The following AHCYL2 variants were observed in gnomAD, a reference collection of about 807,000 sequenced individuals.
The protein encoded by AHCYL2 is adenosylhomocysteinase like 2, also known as S-adenosylhomocysteine hydrolase-like protein 2.
AHCYL2 carries 28 observed loss-of-function variants against 81.4 expected under a neutral mutation model. That is an observed-to-expected ratio of 0.34 (90% confidence interval 0.25 to 0.47). The LOEUF (loss-of-function observed/expected upper bound fraction) is 0.47. AHCYL2 is among the 20% of genes least tolerant of loss of function. The probability of loss-of-function intolerance (pLI) is 1.00; values close to 1 mark genes in which losing one functional copy is unlikely to be tolerated. For missense variants in AHCYL2, 551 were observed against 785.1 expected (o/e 0.70, Z 3.56); for synonymous variants, 272 against 290.2 (o/e 0.94, Z 0.64).
At chr7:129,380,994 A>C (rs1327484337) in intron 2 of AHCYL2, among the ~76,000 whole-genome samples, 1 of 152,174 alleles carries the variant, frequency 6.6e-6, no homozygotes, top group Non-Finnish European at 1.5e-5. Flanking sequence ...TCCTCAGCCT[A>C]CCAAAGTTCT....
At position 129,427,632 on chromosome 7, in the gene AHCYL2, A is replaced by C. The variant is rs983148639; in HGVS notation, c.*587A>C. 1 of 152,668 alleles carries C rather than the reference A, an allele frequency of 6.6e-6. No homozygotes were observed. Among genetic ancestry groups the C allele is most frequent in the African/African-American group, 2.4e-5 (1 of 41,436 alleles). The allele number at this position is 152,668 out of a possible 1,614,324, so 9.5% of individuals were successfully genotyped here. A position where few individuals can be genotyped will look rare whatever the true frequency, so the allele number is the denominator to read the frequency against. Reference sequence around the variant, plus strand: ...AGAACTCAGCTGTGCTGTGCCTACCAGGGGTCTCCTTTCTTACCCAGGACT... The same window carrying C: ...AGAACTCAGCTGTGCTGTGCCTACCCGGGGTCTCCTTTCTTACCCAGGACT... On this transcript the variant is annotated 3_prime_UTR_variant, in exon 17 of 17. Coordinates refer to ENST00000325006, the MANE Select transcript of AHCYL2 (RefSeq NM_015328.4). The surrounding 1 kb of genome is among the most constrained non-coding windows in gnomAD (Gnocchi z 5.5).
At chr7:129,242,870 T>C (rs1794913640) in intron 1 of AHCYL2, among the ~76,000 whole-genome samples, 1 of 152,184 alleles carries the variant, frequency 6.6e-6, no homozygotes, top group South Asian at 2.1e-4. Flanking sequence ...AGGTAGTATC[T>C]CTGTTGTTTT....
chr7:129,237,127 G>GT (rs1185974682), intron 1 of AHCYL2, among the ~76,000 whole-genome samples: 1 of 151,824 alleles, frequency 6.6e-6, no homozygotes, highest in African/African-American at 2.4e-5. Flanking sequence ...GGATTTACCA[G>GT]TTTTTTTCCT....
intron 2 of AHCYL2, among the ~76,000 whole-genome samples, chr7:129,383,149 G>T (rs2150892866): frequency 6.6e-6 from 1 of 151,190 alleles, no homozygotes; most frequent in African/African-American, 2.4e-5. Context: ...ATGTTTTATA[G>T]ATATCTCTTT....
chr7:129,401,689 T>G (rs1236539708), intron 6 of AHCYL2, among the ~76,000 whole-genome samples: 1 of 151,844 alleles, frequency 6.6e-6, no homozygotes, highest in Admixed American at 6.6e-5. Flanking sequence ...CACAAGGGAG[T>G]GTGACTGACA....
At chr7:129,394,003 T>C (rs1795592322) in intron 4 of AHCYL2, among the ~76,000 whole-genome samples, 1 of 152,134 alleles carries the variant, frequency 6.6e-6, no homozygotes, top group Non-Finnish European at 1.5e-5. Context: ...ATTTCTTTTT[T>C]TGTTGTTGTT....
Position 129,368,468 on chromosome 7 carries a change from A to G in AHCYL2, c.364-11170A>G. 1.9e-6 allele frequency: 3 copies of G among 1,613,914 alleles called. No homozygotes were observed. Among genetic ancestry groups the G allele is most frequent in the Non-Finnish European group, 2.5e-6 (3 of 1,179,834 alleles). On this transcript the variant is annotated intron_variant, in intron 1 of 16. Transcript: ENST00000325006. This position sits in a 1 kb window ranked among gnomAD's most constrained non-coding sequence, Gnocchi z 4.4. ...CCAAACCAGCTTTCCCTTTTGCTTC[A>G]GGACATATCTTACCCAAGCCTGCAC...
Position 129,426,383 on chromosome 7 carries a change from C to T in AHCYL2, c.1709-60C>T. The T allele has an allele frequency of 6.2e-7, 1 of 1,613,298 alleles. No individual in the cohort carries two copies. The highest frequency in any genetic ancestry group is 8.5e-7 in the Non-Finnish European group (1 of 1,179,338). ...AACTTTTTAAGGCCTAGCTTGGGGA[C>T]AATAGCCATCAGATAAAAGGCATGA... On this transcript the variant is annotated intron_variant, in intron 15 of 16. Coordinates refer to ENST00000325006, the MANE Select transcript of AHCYL2 (RefSeq NM_015328.4). The surrounding 1 kb of genome is among the most constrained non-coding windows in gnomAD (Gnocchi z 4.3).
At chr7:129,264,279 C>T (rs1472677138) in intron 1 of AHCYL2, among the ~76,000 whole-genome samples, 1 of 152,198 alleles carries the variant, frequency 6.6e-6, no homozygotes, top group Non-Finnish European at 1.5e-5. Context: ...CCTCAGCCTC[C>T]CAAAGTGCGG....
chr7:129,355,941 A>G (rs1038490958), intron 1 of AHCYL2, among the ~76,000 whole-genome samples: 3 of 152,208 alleles, frequency 2.0e-5, no homozygotes, highest in Admixed American at 6.5e-5. Context: ...GAAAAGTACC[A>G]GGTAGAGAGA....
intron 12 of AHCYL2, among the ~76,000 whole-genome samples, chr7:129,414,960 T>G (rs1796773503): frequency 6.6e-6 from 1 of 152,198 alleles, no homozygotes; most frequent in South Asian, 2.1e-4. Flanking sequence ...TGGTTTCCCT[T>G]TTAAATTCTG....
rs1210798344 is a variant in AHCYL2 at position 129,428,067 on chromosome 7, G to GTA, written c.*1026_*1027dup. The GTA allele has an allele frequency of 6.6e-6, 1 of 152,216 alleles. No individual in the cohort carries two copies. Among genetic ancestry groups the GTA allele is most frequent in the Admixed American group, 6.5e-5 (1 of 15,274 alleles). The allele number at this position is 152,216 out of a possible 1,614,324, so 9.4% of individuals were successfully genotyped here. On this transcript the variant is annotated 3_prime_UTR_variant, in exon 17 of 17. Coordinates refer to ENST00000325006, the MANE Select transcript of AHCYL2 (RefSeq NM_015328.4). ...CAGCTTGATACCCTAACAAAGCAGA[G>GTA]TATATTTATTTGTTTCCCAGGAAGG...
rs77191977 is a variant in AHCYL2 at position 129,226,458 on chromosome 7, G to T, written c.363+1019G>T. Among the ~76,000 whole-genome samples, 529 of 152,286 alleles carry T rather than the reference G, an allele frequency of 3.5e-3. 4 individuals carry two copies. Among genetic ancestry groups the T allele is most frequent in the South Asian group, 0.013 (64 of 4,820 alleles). On this transcript the variant is annotated intron_variant, in intron 1 of 16. Transcript: ENST00000325006. ...AAAAAGGGCTTACAGCTTCAATTTC[G>T]TAGACACAGTATGGGCACAGGGATT...
At chr7:129,307,271 T>C (rs1797475968) in intron 1 of AHCYL2, among the ~76,000 whole-genome samples, 1 of 152,122 alleles carries the variant, frequency 6.6e-6, no homozygotes, top group South Asian at 2.1e-4. Flanking sequence ...TAGAAAGAAA[T>C]CTACTTGGTG....
At chr7:129,246,217 C>G (rs1171211730) in intron 1 of AHCYL2, among the ~76,000 whole-genome samples, 2 of 152,156 alleles carry the variant, frequency 1.3e-5, no homozygotes, top group African/African-American at 2.4e-5. Context: ...TGCCACCACG[C>G]CCATCTAATT....
chr7:129,282,951 G>A (rs1241565536), intron 1 of AHCYL2, among the ~76,000 whole-genome samples: 1 of 152,086 alleles, frequency 6.6e-6, no homozygotes, highest in Non-Finnish European at 1.5e-5. Flanking sequence ...ACTCTACCTC[G>A]TGCCTTGTTA....
rs527404470 is a variant in AHCYL2 at position 129,366,669 on chromosome 7, G to A, written c.364-12969G>A. On this transcript the variant is annotated intron_variant, in intron 1 of 16. Transcript: ENST00000325006. ...TGCATGCCTGTAATCCCAGCTACTC[G>A]GGAGGCTGAGGCAGGAGAATTGCTT... Among the ~76,000 whole-genome samples, 8 of 152,072 alleles carry A rather than the reference G, an allele frequency of 5.3e-5. No individual in the cohort carries two copies. In the South Asian group the frequency reaches 1.5e-3, roughly 28 times the overall value.
chr7:129,411,409 G>A (rs1796568120), intron 11 of AHCYL2, among the ~76,000 whole-genome samples: 1 of 151,930 alleles, frequency 6.6e-6, no homozygotes, highest in South Asian at 2.1e-4. Context: ...TCATATAAAT[G>A]GAATCATAGC....
At chr7:129,252,805 A>ATGATTGAT (rs745458464) in intron 1 of AHCYL2, among the ~76,000 whole-genome samples, 2 of 151,900 alleles carry the variant, frequency 1.3e-5, no homozygotes, top group Non-Finnish European at 2.9e-5. Flanking sequence ...AGGTAGATAG[A>ATGATTGAT]TGATTGATTG....
Sources: allele counts gnomAD v4.1 joint callset (sites outside exome capture counted in the v4.1 genomes callset), GRCh38; gene constraint gnomAD v4.1.1; non-coding constraint Gnocchi (gnomAD v3.1); transcripts MANE v1.5; gene names NCBI Gene and HGNC (gene_info 2026-07-23, HGNC 2026-07-21).